The following FHL5 variants were observed in gnomAD, a reference collection of about 807,000 sequenced individuals.
FHL5 encodes four and a half LIM domains 5, also known as four and a half LIM domains protein 5.
A neutral mutation model predicts 32.0 loss-of-function variants in FHL5; 33 were observed. That is an observed-to-expected ratio of 1.03 (90% CI 0.78 to 1.38). The LOEUF is 1.38. Among genes scored for constraint, FHL5 ranks in the 40% most tolerant of loss-of-function variants. The pLI is 0.00. For synonymous variants in FHL5, 114 were observed against 113.6 expected, an observed-to-expected ratio of 1.00 and a Z score of -0.02; for missense variants, 336 against 343.9, an observed-to-expected ratio of 0.98 and a Z score of 0.18.
intron 1 of FHL5, among the ~76,000 whole-genome samples, chr6:96,568,260 T>G (rs568422031): frequency 5.3e-5 from 8 of 152,052 alleles, no homozygotes; most frequent in African/African-American, 9.6e-5. Context: ...TTCATTTTGT[T>G]GATGTAATGT....
intron 1 of FHL5, among the ~76,000 whole-genome samples, chr6:96,589,907 A>C (rs1770879767): frequency 6.6e-6 from 1 of 152,070 alleles, no homozygotes; most frequent in Non-Finnish European, 1.5e-5. Context: ...AATTGACCCA[A>C]CACCATTTAC....
intron 1 of FHL5, among the ~76,000 whole-genome samples, chr6:96,577,603 C>T (rs1373141549): frequency 1.3e-5 from 2 of 152,126 alleles, no homozygotes; most frequent in Non-Finnish European, 2.9e-5. Context: ...CCAAATGTTA[C>T]AGGGGATTTG....
chr6:96,591,281 T>G (rs1392033155), intron 1 of FHL5, among the ~76,000 whole-genome samples: 1 of 152,188 alleles, frequency 6.6e-6, no homozygotes, highest in Non-Finnish European at 1.5e-5. Context: ...TATTTCTTCT[T>G]GTGTCAATTT....
chr6:96,587,440 A>G (rs1025714185), intron 1 of FHL5, among the ~76,000 whole-genome samples: 6 of 152,196 alleles, frequency 3.9e-5, no homozygotes, highest in Non-Finnish European at 4.4e-5. Context: ...TTCTTTAGGA[A>G]TGGATTATAT....
At chr6:96,602,426 C>CTTTTTTTTTTTTTTTTTTTTTTTTTTTT (rs1168636713) in intron 1 of FHL5, among the ~76,000 whole-genome samples, 2 of 33,684 alleles carry the variant, frequency 5.9e-5, no homozygotes, top group African/African-American at 1.7e-4. Context: ...TGCGTTGTTT[C>CTTTTTTTTTTTTTTTTTTTTTTTTTTTT]TTTTTTTTTT....
At chr6:96,596,444 A>G (rs1582472233) in intron 1 of FHL5, among the ~76,000 whole-genome samples, 1 of 152,064 alleles carries the variant, frequency 6.6e-6, no homozygotes, top group East Asian at 1.9e-4. Context: ...TATTCTTTTG[A>G]AGACATCATT....
chr6:96,583,213 A>G (rs2127963691), intron 1 of FHL5, among the ~76,000 whole-genome samples: 1 of 152,308 alleles, frequency 6.6e-6, no homozygotes, highest in East Asian at 1.9e-4. Context: ...CCTCAGAACC[A>G]AGTGGAAAAA....
intron 1 of FHL5, among the ~76,000 whole-genome samples, chr6:96,590,799 G>GT (rs1479069494): frequency 6.6e-6 from 1 of 152,072 alleles, no homozygotes; most frequent in Non-Finnish European, 1.5e-5. Context: ...ATAAATTGAA[G>GT]TAAGATTTTA....
At chr6:96,604,958 A>G in intron 3 of FHL5, 34 bp downstream of exon 3, 1 of 1,516,962 alleles carries the variant, frequency 6.6e-7, no homozygotes, top group Non-Finnish European at 8.9e-7. Context: ...TCTCTAACTG[A>G]AGCTGTGATG....
chr6:96,601,489 G>A (rs1324369751), intron 1 of FHL5, among the ~76,000 whole-genome samples: 2 of 152,262 alleles, frequency 1.3e-5, no homozygotes, highest in Admixed American at 1.3e-4. Context: ...TAAGTTACAG[G>A]TATTTTGATG....
intron 1 of FHL5, among the ~76,000 whole-genome samples, chr6:96,572,094 G>A (rs1336818840): frequency 6.6e-6 from 1 of 152,156 alleles, no homozygotes; most frequent in Non-Finnish European, 1.5e-5. Context: ...AGGTGTCTCA[G>A]CTCAGTTTCT....
At chr6:96,583,214 A>G (rs1312405885) in intron 1 of FHL5, among the ~76,000 whole-genome samples, 1 of 152,170 alleles carries the variant, frequency 6.6e-6, no homozygotes, top group Non-Finnish European at 1.5e-5. Flanking sequence ...CTCAGAACCA[A>G]GTGGAAAAAA....
rs370981552 is a variant in FHL5 at position 96,615,674 on chromosome 6, G to A, written c.757G>A (p.Gly253Arg). Residue 253 changes from glycine (G) to arginine (R), a missense_variant, in exon 6 of 6, where the codon GGG becomes AGG. Gly to Arg is a moderately radical substitution (Grantham distance 125). Transcript: ENST00000450218. ...SQWHSECFNCGKCSVSLVGKG... is the reference protein window; with the variant it reads ...SQWHSECFNCRKCSVSLVGKG... ...GTGGCATAGCGAATGCTTTAACTGC[G>A]GGAAATGCTCTGTCTCCTTGGTGGG... The A allele has an allele frequency of 4.7e-5, 76 of 1,613,096 alleles. No individual in the cohort carries two copies. In the African/African-American group the frequency reaches 6.1e-4, roughly 13 times the overall value.
At chr6:96,587,409 T>C (rs898208860) in intron 1 of FHL5, among the ~76,000 whole-genome samples, 6 of 152,226 alleles carry the variant, frequency 3.9e-5, no homozygotes, top group African/African-American at 1.4e-4. Flanking sequence ...ATTTACATGG[T>C]TAAATTCCCA....
rs9400145 is a variant in FHL5, at chr6:96,610,247, A to G, written c.505-325A>G. Among the ~76,000 whole-genome samples the G allele has an allele frequency of 7.9e-5, 12 of 152,312 alleles. No individual in the cohort carries two copies. In the East Asian group the frequency reaches 2.1e-3, roughly 27 times the overall value. ...TTTCTCCCCCATCTTCCTGAGTCCA[A>G]TATGGCCCTGCCTCTGTTCTATTTC... On this transcript the variant is annotated intron_variant, in intron 4 of 5. Coordinates refer to ENST00000450218, the MANE Select transcript of FHL5 (RefSeq NM_001322466.2).
intron 5 of FHL5, among the ~76,000 whole-genome samples, chr6:96,612,394 A>G (rs936247519): frequency 1.3e-5 from 2 of 152,222 alleles, no homozygotes; most frequent in African/African-American, 4.8e-5. Context: ...ATGAGAAAAT[A>G]AGGAAATTAA....
intron 1 of FHL5, among the ~76,000 whole-genome samples, chr6:96,594,232 TA>T (rs1770983240): frequency 1.7e-4 from 3 of 17,874 alleles, no homozygotes; most frequent in Non-Finnish European, 5.2e-4. Context: ...AGAATTTATA[TA>T]TATATATATA....
chr6:96,570,192 T>C (rs1013691476), intron 1 of FHL5, among the ~76,000 whole-genome samples: 1 of 152,124 alleles, frequency 6.6e-6, no homozygotes, highest in Non-Finnish European at 1.5e-5. Context: ...CAGTTTTTGC[T>C]TACCTCGAGA....
chr6:96,586,226 AG>A, intron 1 of FHL5, among the ~76,000 whole-genome samples: 1 of 152,352 alleles, frequency 6.6e-6, no homozygotes, highest in Non-Finnish European at 1.5e-5. Flanking sequence ...AGAAATATAA[AG>A]GCTGGTTTAA....
Sources: allele counts gnomAD v4.1 joint callset (sites outside exome capture counted in the v4.1 genomes callset), GRCh38; gene constraint gnomAD v4.1.1; transcripts MANE v1.5; gene names NCBI Gene and HGNC (gene_info 2026-07-23, HGNC 2026-07-21).